The following IPO11 variants were observed in gnomAD, a reference collection of about 807,000 sequenced individuals.
IPO11 encodes importin-11.
In IPO11, 66 loss-of-function variants were observed where a neutral mutation model predicts 143.2. The ratio of observed to expected loss-of-function variants is 0.46; its 90% CI spans 0.38 to 0.57. The LOEUF (loss-of-function observed/expected upper bound fraction) is 0.57. IPO11 is among the 20% of genes least tolerant of loss of function. The probability of loss-of-function intolerance (pLI) is 0.00; values close to 1 mark genes in which losing one functional copy is unlikely to be tolerated. For synonymous variants in IPO11, 385 were observed against 377.8 expected, an observed-to-expected ratio of 1.02 and a Z score of -0.22; for missense variants, 1,026 against 1,141.0, an observed-to-expected ratio of 0.90 and a Z score of 1.45.
At position 62,579,571 on chromosome 5, in the gene IPO11, A is replaced by C. The variant is rs1189274641; in HGVS notation, c.2583-12006A>C. Reference sequence around the variant, plus strand: ...TCAGCTCTGCACTGGGAGACAAATTAACTGCCGTAACTTAGGCCTTTCGAG... The same window carrying C: ...TCAGCTCTGCACTGGGAGACAAATTCACTGCCGTAACTTAGGCCTTTCGAG... On this transcript the variant is annotated intron_variant, in intron 27 of 29. Transcript: ENST00000325324. 3 of 1,551,204 alleles carry C rather than the reference A, an allele frequency of 1.9e-6. No individual in the cohort carries two copies. In the South Asian group the frequency reaches 3.6e-5, roughly 18 times the overall value.
intron 1 of IPO11, among the ~76,000 whole-genome samples, chr5:62,414,063 G>A (rs1743209952): frequency 6.6e-6 from 1 of 152,210 alleles, no homozygotes; most frequent in East Asian, 1.9e-4. Flanking sequence ...CTCAGGGTAG[G>A]AGGGTGGTCT....
At chr5:62,524,522 T>C (rs1742306068) in intron 20 of IPO11, among the ~76,000 whole-genome samples, 1 of 152,082 alleles carries the variant, frequency 6.6e-6, no homozygotes, top group African/African-American at 2.4e-5. Flanking sequence ...TCATGAAAGA[T>C]TGAGCTATGG....
intron 16 of IPO11, among the ~76,000 whole-genome samples, chr5:62,500,649 T>TA (rs1741316204): frequency 6.6e-6 from 1 of 152,134 alleles, no homozygotes; most frequent in African/African-American, 2.4e-5. Flanking sequence ...AAGTGCATGT[T>TA]ACCAGGCCTT....
chr5:62,515,482 C>T lies in IPO11; in HGVS notation c.1877C>T (p.Thr626Ile), dbSNP rs774266339. 91 of 1,603,220 alleles carry T rather than the reference C, an allele frequency of 5.7e-5. No homozygotes were observed. The highest frequency in any genetic ancestry group is 7.3e-5 in the Non-Finnish European group (86 of 1,175,546). ...HNMLRCAILT[T>I]LIHLVQGLGA... ...ATGTTGAGATGTGCTATTTTGACAA[C>T]ACTTATTCATCTTGTTCAGGTAAGT... The change falls in exon 20 of 30, where the codon ACA (threonine) becomes ATA (isoleucine). Residue 626 changes from threonine (T) to isoleucine (I), a missense_variant. Physicochemically the swap from Thr to Ile is moderately conservative, Grantham distance 89 (BLOSUM62 -1). Around this residue, in one of 5 missense-constraint regions of IPO11, gnomAD observed 237 missense variants for 288.0 expected, o/e 0.82. Transcript: ENST00000325324.
Position 62,443,070 on chromosome 5 carries a change from C to T in IPO11, c.226C>T (p.Arg76Cys), listed in dbSNP as rs1415612856. ...ACATGGAATTGATCGCTACTGGAGA[C>T]GTGTAGCACCTCAGTAAGTTCCATC... ...FKHGIDRYWR[R>C]VAPHALSEEE... The change falls in exon 3 of 30, where the codon CGT (arginine) becomes TGT (cysteine). Residue 76 changes from arginine (R) to cysteine (C), a missense_variant. Around this residue, in one of 5 missense-constraint regions of IPO11, gnomAD observed 429 missense variants for 456.3 expected, o/e 0.94. Transcript: ENST00000325324. The T allele has an allele frequency of 2.5e-6, 4 of 1,602,882 alleles. No homozygotes were observed. The highest frequency in any genetic ancestry group is 2.2e-5 in the East Asian group (1 of 44,544).
intron 26 of IPO11, 125 bp from the exon 27 acceptor site, chr5:62,561,011 C>T: frequency 2.5e-6 from 2 of 798,902 alleles, no homozygotes; most frequent in Non-Finnish European, 3.7e-6. Context: ...TTCAGGTATT[C>T]CAGTTCTGTG....
At chr5:62,499,569 C>CTTTTTTTT (rs35545041) in intron 16 of IPO11, among the ~76,000 whole-genome samples, 6 of 100,090 alleles carry the variant, frequency 6.0e-5, no homozygotes, top group South Asian at 3.5e-4. Flanking sequence ...CTTACTCTAA[C>CTTTTTTTT]TTTTTTTTTT....
intron 5 of IPO11, among the ~76,000 whole-genome samples, chr5:62,461,688 G>A (rs1745363078): frequency 6.6e-6 from 1 of 152,086 alleles, no homozygotes; most frequent in Non-Finnish European, 1.5e-5. Context: ...TTAAATTTCT[G>A]TCTCAAATGC....
chr5:62,618,169 A>G (rs1388468389), intron 29 of IPO11, among the ~76,000 whole-genome samples: 1 of 152,192 alleles, frequency 6.6e-6, no homozygotes, highest in African/African-American at 2.4e-5. Context: ...ACCACATTAA[A>G]GTAAAACCAG....
At chr5:62,443,189 C>A in intron 3 of IPO11, 106 bp downstream of exon 3, 1 of 609,556 alleles carries the variant, frequency 1.6e-6, no homozygotes, top group Non-Finnish European at 2.8e-6. Context: ...CTTACTTCTG[C>A]AGCACATATA....
chr5:62,453,412 T>G (rs974475382), intron 5 of IPO11, among the ~76,000 whole-genome samples: 1 of 151,172 alleles, frequency 6.6e-6, no homozygotes, highest in African/African-American at 2.5e-5. Flanking sequence ...GTGAAGAATA[T>G]GAAGCATGTG....
chr5:62,622,350 A>T (rs1284014978), intron 29 of IPO11, among the ~76,000 whole-genome samples: 1 of 152,180 alleles, frequency 6.6e-6, no homozygotes, highest in African/African-American at 2.4e-5. Flanking sequence ...CAAGTGAAGA[A>T]CTATTGTATA....
chr5:62,612,440 A>G (rs1745958400), intron 29 of IPO11, among the ~76,000 whole-genome samples: 1 of 152,206 alleles, frequency 6.6e-6, no homozygotes, highest in Non-Finnish European at 1.5e-5. Flanking sequence ...CCAGCTGCAT[A>G]TCTGAGAAAG....
At chr5:62,514,005 A>G (rs1278875508) in intron 19 of IPO11, among the ~76,000 whole-genome samples, 2 of 147,678 alleles carry the variant, frequency 1.4e-5, no homozygotes, top group East Asian at 2.0e-4. Flanking sequence ...GCTGCCGGGC[A>G]GAGACGCTCC....
At chr5:62,472,673 G>A (rs1745823678) in intron 7 of IPO11, among the ~76,000 whole-genome samples, 1 of 151,884 alleles carries the variant, frequency 6.6e-6, no homozygotes, top group Non-Finnish European at 1.5e-5. Flanking sequence ...GGTTACAGGT[G>A]CCTGCCACCA....
chr5:62,463,498 T>C lies in IPO11; in HGVS notation c.517-3633T>C, dbSNP rs540937408. 1.2e-4 allele frequency among the ~76,000 whole-genome samples: 18 copies of C among 151,874 alleles called. No homozygotes were observed. The East Asian group carries it at 3.4e-3, about 28-fold the overall frequency. ...GGGCAACACAGTGAGATCCTATCTC[T>C]ACAAAAAATAAAAATAAATATATAA... On this transcript the variant is annotated intron_variant, in intron 5 of 29. Coordinates refer to ENST00000325324, the MANE Select transcript of IPO11 (RefSeq NM_016338.5).
intron 1 of IPO11, among the ~76,000 whole-genome samples, chr5:62,436,721 A>G (rs879219502): frequency 2.6e-5 from 4 of 152,036 alleles, no homozygotes; most frequent in Admixed American, 2.6e-4. Context: ...ATAGCATTTC[A>G]TTTTGTATGT....
chr5:62,435,522 C>A lies in IPO11; in HGVS notation c.-6-1752C>A, dbSNP rs182371679. ...CTGAGGTGGAAAGATCACTTGAGAT[C>A]GCGGCTGCCGTGAGCAGTGATCACG... On this transcript the variant is annotated intron_variant, in intron 1 of 29. Transcript: ENST00000325324. 7.2e-5 allele frequency among the ~76,000 whole-genome samples: 11 copies of A among 151,948 alleles called. No homozygotes were observed. In the Middle Eastern group the frequency reaches 0.01, roughly 143 times the overall value.
chr5:62,559,424 CAGT>C (rs1401847844), intron 26 of IPO11, among the ~76,000 whole-genome samples: 10 of 151,844 alleles, frequency 6.6e-5, no homozygotes, highest in Admixed American at 5.9e-4. Flanking sequence ...ATTTGGTCCT[CAGT>C]AGAATTTCTG....
Sources: gnomAD v4.1 joint callset for allele counts (sites outside exome capture counted in the v4.1 genomes callset) on GRCh38, gnomAD v4.1.1 for gene constraint, gnomAD v4.1.1 regional missense constraint, MANE v1.5 for transcripts, NCBI Gene and HGNC (gene_info 2026-07-23, HGNC 2026-07-21) for gene names.